The following PDE10A variants were observed in gnomAD, a reference collection of about 807,000 sequenced individuals.
PDE10A encodes the protein cAMP and cAMP-inhibited cGMP 3',5'-cyclic phosphodiesterase 10A.
In PDE10A, 39 loss-of-function variants were observed where a neutral mutation model predicts 97.7. The ratio of observed to expected loss-of-function variants is 0.40; its 90% CI spans 0.31 to 0.52. The LOEUF is 0.52. Among genes scored for constraint, PDE10A ranks in the 20% least tolerant of loss-of-function variants. The probability of loss-of-function intolerance (pLI) is 0.56; values close to 1 mark genes in which losing one functional copy is unlikely to be tolerated. For synonymous variants in PDE10A, 371 were observed against 376.8 expected, an observed-to-expected ratio of 0.98 and a Z score of 0.18; for missense variants, 731 against 1,047.8, an observed-to-expected ratio of 0.70 and a Z score of 4.17.
intron 18 of PDE10A, among the ~76,000 whole-genome samples, chr6:165,356,404 C>T (rs1783031153): frequency 6.6e-6 from 1 of 151,968 alleles, no homozygotes; most frequent in South Asian, 2.1e-4. Context: ...TAATTTTTTT[C>T]TTGGGTTGTT....
At chr6:165,345,431 C>T (rs979331480) in intron 18 of PDE10A, among the ~76,000 whole-genome samples, 2 of 152,146 alleles carry the variant, frequency 1.3e-5, no homozygotes, top group Admixed American at 6.5e-5. Flanking sequence ...CATTTTTTTA[C>T]TCCCAATTCC....
chr6:165,689,397 C>T (rs905700128), intron 1 of PDE10A, among the ~76,000 whole-genome samples: 2 of 152,080 alleles, frequency 1.3e-5, no homozygotes, highest in Admixed American at 1.3e-4. Flanking sequence ...GAGAAATGTC[C>T]CTGATACAGT....
At chr6:165,978,885 T>C (rs1199442777) in intron 1 of PDE10A, among the ~76,000 whole-genome samples, 1 of 152,192 alleles carries the variant, frequency 6.6e-6, no homozygotes, top group Non-Finnish European at 1.5e-5. Flanking sequence ...TATAAATAAC[T>C]CTGAAGTACT....
At chr6:165,961,798 C>G (rs1027018198) in intron 1 of PDE10A, among the ~76,000 whole-genome samples, 1 of 152,210 alleles carries the variant, frequency 6.6e-6, no homozygotes, top group South Asian at 2.1e-4. Flanking sequence ...CCCCAGAGCC[C>G]CTTAATGATT....
At chr6:165,554,125 C>T (rs1784140593) in intron 1 of PDE10A, among the ~76,000 whole-genome samples, 1 of 152,100 alleles carries the variant, frequency 6.6e-6, no homozygotes, top group Non-Finnish European at 1.5e-5. Flanking sequence ...AGCAATACCT[C>T]ATAAGCATAG....
chr6:165,846,396 A>G (rs1780420189), intron 1 of PDE10A, among the ~76,000 whole-genome samples: 1 of 152,236 alleles, frequency 6.6e-6, no homozygotes. Flanking sequence ...AATTGTCCTT[A>G]AAAGAGAAAT....
intron 1 of PDE10A, among the ~76,000 whole-genome samples, chr6:165,689,976 A>T (rs1289149804): frequency 6.6e-6 from 1 of 152,132 alleles, no homozygotes; most frequent in Non-Finnish European, 1.5e-5. Flanking sequence ...AAGATACTTT[A>T]ATTTCACCAT....
At chr6:165,754,559 T>C (rs1793075011) in intron 1 of PDE10A, among the ~76,000 whole-genome samples, 1 of 152,056 alleles carries the variant, frequency 6.6e-6, no homozygotes, top group Non-Finnish European at 1.5e-5. Flanking sequence ...CAACCAAAAG[T>C]TTCTCTCTAT....
chr6:165,385,244 C>A (rs1785221373), intron 17 of PDE10A, among the ~76,000 whole-genome samples: 1 of 151,988 alleles, frequency 6.6e-6, no homozygotes, highest in Non-Finnish European at 1.5e-5. Context: ...CTAAGGTCAT[C>A]AGCCTGCATT....
At chr6:165,706,420 G>C (rs1232691830) in intron 1 of PDE10A, among the ~76,000 whole-genome samples, 1 of 152,016 alleles carries the variant, frequency 6.6e-6, no homozygotes, top group African/African-American at 2.4e-5. Flanking sequence ...TATTGCCATT[G>C]TAAGTCAATC....
intron 1 of PDE10A, among the ~76,000 whole-genome samples, chr6:165,600,443 T>C (rs1390200863): frequency 1.3e-5 from 2 of 152,252 alleles, no homozygotes; most frequent in East Asian, 3.9e-4. Context: ...CTTCTTTCTG[T>C]TCAAGAAACC....
chr6:165,347,889 G>A (rs763802553), intron 18 of PDE10A, among the ~76,000 whole-genome samples: 7 of 151,692 alleles, frequency 4.6e-5, no homozygotes, highest in Non-Finnish European at 1.0e-4. Flanking sequence ...CACATTTGTT[G>A]TTCTTCAAAG....
At chr6:165,348,264 T>C (rs1269155810) in intron 18 of PDE10A, among the ~76,000 whole-genome samples, 3 of 152,190 alleles carry the variant, frequency 2.0e-5, no homozygotes, top group African/African-American at 7.2e-5. Flanking sequence ...ATGAAATACA[T>C]GAAAGTAAAA....
intron 1 of PDE10A, among the ~76,000 whole-genome samples, chr6:165,812,433 G>GA (rs34436194): frequency 0.26 from 38,758 of 150,076 alleles, 5,429 homozygotes; most frequent in Middle Eastern, 0.35. Flanking sequence ...CTTGGAGGCA[G>GA]AAAAAAAAAA....
chr6:165,608,704 T>G lies in PDE10A; in HGVS notation c.865+53243A>C, dbSNP rs1270887116. On this transcript the variant is annotated intron_variant, in intron 1 of 21. Transcript: ENST00000539869. ...ATCGCCACACTGTCTTCCACAATGGTTGAACTAGTTTAAAGTCCCACCAAC... is the reference window on the plus strand; with the variant it reads ...ATCGCCACACTGTCTTCCACAATGGGTGAACTAGTTTAAAGTCCCACCAAC... Among the ~76,000 whole-genome samples, 4 of 152,302 alleles carry G rather than the reference T, an allele frequency of 2.6e-5. No homozygotes were observed. The East Asian group carries it at 7.7e-4, about 29-fold the overall frequency.
In PDE10A at chr6:165,671,055, A is replaced by G. The variant is rs937537668; in HGVS notation, c.-614-127487T>C. 6.6e-6 allele frequency among the ~76,000 whole-genome samples: 1 copy of G among 152,106 alleles called. No individual in the cohort carries two copies. The highest frequency in any genetic ancestry group is 6.6e-5 in the Admixed American group (1 of 15,264). On this transcript the variant is annotated intron_variant, in intron 1 of 19. Transcript: ENST00000366882. This position sits in a 1 kb window ranked among gnomAD's most constrained non-coding sequence, Gnocchi z 4.6. ...TTATCTGACCCATCTTTCCGATCAGATTGTACTGGTAAAGAGTCTGATTTC... is the reference window on the plus strand; with the variant it reads ...TTATCTGACCCATCTTTCCGATCAGGTTGTACTGGTAAAGAGTCTGATTTC...
At position 165,804,772 on chromosome 6, in the gene PDE10A, G is replaced by C; in HGVS notation, c.-615+182757C>G. On this transcript the variant is annotated intron_variant, in intron 1 of 19. Transcript: ENST00000366882. Reference sequence around the variant, plus strand: ...AGCGCGGGGTCGGGGAGCGGCGGCGGGGGACTGGGCGACGGCCCCGGGGCC... The same window carrying C: ...AGCGCGGGGTCGGGGAGCGGCGGCGCGGGACTGGGCGACGGCCCCGGGGCC... 1.3e-5 allele frequency among the ~76,000 whole-genome samples: 2 copies of C among 151,720 alleles called. 1 individual carries two copies.
At chr6:165,762,228 T>G (rs1793268033) in intron 1 of PDE10A, among the ~76,000 whole-genome samples, 1 of 152,260 alleles carries the variant, frequency 6.6e-6, no homozygotes. Context: ...TCTTCCCTGC[T>G]GTGTAAACCC....
intron 1 of PDE10A, among the ~76,000 whole-genome samples, chr6:165,647,904 G>C (rs1318297690): frequency 6.6e-6 from 1 of 152,220 alleles, no homozygotes; most frequent in East Asian, 1.9e-4. Flanking sequence ...CAATCTTAAC[G>C]ACTGTAGCAA....
Sources: allele counts gnomAD v4.1 joint callset (sites outside exome capture counted in the v4.1 genomes callset), GRCh38; gene constraint gnomAD v4.1.1; non-coding constraint Gnocchi (gnomAD v3.1); transcripts MANE v1.5; gene names NCBI Gene and HGNC (gene_info 2026-07-23, HGNC 2026-07-21).